CREBL2: variants seen among roughly 807,000 people sequenced by gnomAD.
The protein encoded by CREBL2 is cAMP responsive element binding protein like 2.
Under a neutral mutation model 19.5 loss-of-function variants are expected in CREBL2, and 4 were observed. The ratio of observed to expected loss-of-function variants is 0.20; its 90% confidence interval spans 0.10 to 0.47. CREBL2 has a LOEUF of 0.47. CREBL2 is among the 20% of genes least tolerant of loss of function. The pLI, the probability that CREBL2 is intolerant of heterozygous loss-of-function variation, is 0.98. For missense variants in CREBL2, 85 were observed against 145.1 expected (o/e 0.59, Z 2.13); for synonymous variants, 42 against 46.6 (o/e 0.90, Z 0.40).
intron 1 of CREBL2, 132 bp downstream of exon 1, chr12:12,612,319 T>A: frequency 6.6e-7 from 1 of 1,511,500 alleles, no homozygotes; most frequent in Non-Finnish European, 9.0e-7. Context: ...GCCTCTCCAG[T>A]CCACTGCCCG....
rs1945546407 is a variant in CREBL2, at chr12:12,644,062, G to A, written c.*2064G>A. On this transcript the variant is annotated 3_prime_UTR_variant, in exon 4 of 4. Coordinates refer to ENST00000228865, the MANE Select transcript of CREBL2 (RefSeq NM_001310.4). ...TGCTTGAAGTATTTCTTCTCTGGTT[G>A]TAATTCTAAATTACAGAGTCATTTG... The A allele has an allele frequency of 6.6e-6, 1 of 152,592 alleles. No homozygotes were observed. Among genetic ancestry groups the A allele is most frequent in the South Asian group, 2.1e-4 (1 of 4,828 alleles). The allele number at this position is 152,592 out of a possible 1,614,324, so 9.5% of individuals were successfully genotyped here.
chr12:12,637,357 G>T (rs1223978293), intron 2 of CREBL2, among the ~76,000 whole-genome samples: 1 of 151,834 alleles, frequency 6.6e-6, no homozygotes, highest in Non-Finnish European at 1.5e-5. Flanking sequence ...CAGTTTTTCC[G>T]CCTCTTCTGA....
At position 12,617,643 on chromosome 12, in the gene CREBL2, C is replaced by CTTTTTTTTTTTTTTTTTTTTTTTT. The variant is rs66943066; in HGVS notation, c.15+5471_15+5494dup. ...CCCTGAGATGCTCATTTTAGTAATT[C>CTTTTTTTTTTTTTTTTTTTTTTTT]TTTTTTTTTTTTTTTTTTTTTTTTT... is the stretch of plus-strand genomic sequence containing the variant. On this transcript the variant is annotated intron_variant, in intron 1 of 3. Coordinates refer to ENST00000228865, the MANE Select transcript of CREBL2 (RefSeq NM_001310.4). Among the ~76,000 whole-genome samples, 9 of 38,766 alleles carry CTTTTTTTTTTTTTTTTTTTTTTTT rather than the reference C, an allele frequency of 2.3e-4. 2 individuals are homozygous for CTTTTTTTTTTTTTTTTTTTTTTTT. The highest frequency in any genetic ancestry group is 3.2e-4 in the Non-Finnish European group (6 of 18,568). The allele number at this position is 38,766 out of a possible 152,430, so 25.4% of individuals were successfully genotyped here.
chr12:12,613,990 C>CTTTTTTTTTTTTTTTT (rs57522744), intron 1 of CREBL2, among the ~76,000 whole-genome samples: 37 of 72,900 alleles, frequency 5.1e-4, no homozygotes, highest in African/African-American at 1.0e-3. Context: ...TCTTTTTTTT[C>CTTTTTTTTTTTTTTTT]TTTTTTTTTT....
chr12:12,637,826 A>G lies in CREBL2; in HGVS notation c.358+112A>G, dbSNP rs1450354529. ...GAGGCCGAGGTGGGCAGATCGCTTG[A>G]GCCCAGGAGTTCAAGACCAGACAGG... is the stretch of plus-strand genomic sequence containing the variant. On this transcript the variant is annotated intron_variant, in intron 3 of 3. Coordinates refer to ENST00000228865, the MANE Select transcript of CREBL2 (RefSeq NM_001310.4). 20 of 1,207,016 alleles carry G rather than the reference A, an allele frequency of 1.7e-5. No homozygotes were observed. The African/African-American group carries it at 2.8e-4, about 17-fold the overall frequency. 74.8% of individuals were successfully genotyped at this position (1,207,016 alleles called of 1,614,324 possible).
At chr12:12,636,067 A>G in intron 2 of CREBL2, 93 bp downstream of exon 2, 1 of 1,189,976 alleles carries the variant, frequency 8.4e-7, no homozygotes, top group Non-Finnish European at 1.2e-6. Context: ...TCACCTGTCC[A>G]GTTGGCAAAC....
At chr12:12,630,507 A>G (rs1352007115) in intron 1 of CREBL2, among the ~76,000 whole-genome samples, 1 of 152,096 alleles carries the variant, frequency 6.6e-6, no homozygotes, top group Non-Finnish European at 1.5e-5. Context: ...CCGTCTAGCT[A>G]AAGGTTGGTG....
intron 1 of CREBL2, among the ~76,000 whole-genome samples, chr12:12,618,440 G>A (rs572025675): frequency 2.0e-5 from 3 of 151,648 alleles, no homozygotes; most frequent in East Asian, 1.9e-4. Flanking sequence ...ATGGGGTGGC[G>A]GGGCAGAGGC....
chr12:12,634,846 G>C (rs928086172), intron 1 of CREBL2, among the ~76,000 whole-genome samples: 3 of 151,988 alleles, frequency 2.0e-5, no homozygotes, highest in African/African-American at 7.3e-5. Flanking sequence ...GCTTGAGGCC[G>C]GGAGTTTGAG....
intron 1 of CREBL2, among the ~76,000 whole-genome samples, chr12:12,634,520 G>GTA (rs149059178): frequency 0.053 from 8,111 of 151,944 alleles, 350 homozygotes; most frequent in Admixed American, 0.15. Flanking sequence ...ATTTATGTGT[G>GTA]TATATATATA....
Position 12,632,068 on chromosome 12 carries a change from C to CTTTTTT in CREBL2, c.16-3687_16-3682dup, listed in dbSNP as rs869253910. Reference sequence around the variant, plus strand: ...CCTTGGATTCATATACTATGCCTTTCTTTTTTTTTTTTTTTTTTTTTTTTT... The same window carrying CTTTTTT: ...CCTTGGATTCATATACTATGCCTTTCTTTTTTTTTTTTTTTTTTTTTTTTTTTTTTT... On this transcript the variant is annotated intron_variant, in intron 1 of 3. Coordinates refer to ENST00000228865, the MANE Select transcript of CREBL2 (RefSeq NM_001310.4). Among the ~76,000 whole-genome samples the CTTTTTT allele has an allele frequency of 1.2e-3, 99 of 80,626 alleles. 11 individuals carry two copies. Among genetic ancestry groups the CTTTTTT allele is most frequent in the East Asian group, 4.8e-3 (11 of 2,282 alleles). The allele number at this position is 80,626 out of a possible 152,430, so 52.9% of individuals were successfully genotyped here.
intron 1 of CREBL2, among the ~76,000 whole-genome samples, chr12:12,629,481 G>A (rs1945426736): frequency 6.6e-6 from 1 of 152,028 alleles, no homozygotes; most frequent in Non-Finnish European, 1.5e-5. Context: ...CTGGACCCTT[G>A]CTCTACTCAT....
In CREBL2 at chr12:12,641,873, T is replaced by C. The variant is rs1945524961; in HGVS notation, c.359-121T>C. 1.0e-5 allele frequency: 5 copies of C among 493,450 alleles called. No homozygotes were observed. In the South Asian group the frequency reaches 2.1e-4, roughly 21 times the overall value. The allele number at this position is 493,450 out of a possible 1,614,324, so 30.6% of individuals were successfully genotyped here. ...ATCAGCTTTTTTTTAGTCTGTATTT[T>C]TAAAAATTAGCCTTACTGAAGATAC... On this transcript the variant is annotated intron_variant, in intron 3 of 3. Coordinates refer to ENST00000228865, the MANE Select transcript of CREBL2 (RefSeq NM_001310.4).
At chr12:12,618,748 A>T (rs1459780951) in intron 1 of CREBL2, among the ~76,000 whole-genome samples, 1 of 152,176 alleles carries the variant, frequency 6.6e-6, no homozygotes, top group African/African-American at 2.4e-5. Flanking sequence ...AACATTGAGC[A>T]CTGAGTGAGC....
chr12:12,621,523 C>CAAA (rs61201510), intron 1 of CREBL2, among the ~76,000 whole-genome samples: 11 of 64,856 alleles, frequency 1.7e-4, no homozygotes, highest in African/African-American at 1.7e-4. Flanking sequence ...CGTCTCAAAC[C>CAAA]AAAAAAAAAA....
chr12:12,611,954 G>T lies in CREBL2; in HGVS notation c.-219G>T. ...GGGAGGAGGAGGCGGCGGCGGCGAA[G>T]GGAGGCGTTTGGGGCCGCCTCCAGG... On this transcript the variant is annotated 5_prime_UTR_variant, in exon 1 of 4. In the 5' UTR this introduces an upstream ATG that the reference lacks. Transcript: ENST00000228865. The T allele has an allele frequency of 1.7e-6, 1 of 587,448 alleles. No homozygotes were observed. The allele number at this position is 587,448 out of a possible 1,614,324, so 36.4% of individuals were successfully genotyped here. A position where few individuals can be genotyped will look rare whatever the true frequency, so the allele number is the denominator to read the frequency against.
rs1480577952 is a variant in CREBL2, at chr12:12,643,452, C to G, written c.*1454C>G. On this transcript the variant is annotated 3_prime_UTR_variant, in exon 4 of 4. Transcript: ENST00000228865. ...TCACTTGAGTGAAGCAAATATTTAG[C>G]TTCCAAATAAAGTATATTTTGTTCT... The G allele has an allele frequency of 6.6e-6, 1 of 152,588 alleles. No individual in the cohort carries two copies. Among genetic ancestry groups the G allele is most frequent in the Admixed American group, 6.5e-5 (1 of 15,268 alleles). 9.5% of individuals were successfully genotyped at this position (152,588 alleles called of 1,614,324 possible).
chr12:12,633,221 G>A (rs1945453341), intron 1 of CREBL2, among the ~76,000 whole-genome samples: 1 of 152,080 alleles, frequency 6.6e-6, no homozygotes, highest in African/African-American at 2.4e-5. Flanking sequence ...ACAGGTGTGA[G>A]CCACCACACC....
chr12:12,616,454 A>G (rs1945312138), intron 1 of CREBL2, among the ~76,000 whole-genome samples: 2 of 152,224 alleles, frequency 1.3e-5, no homozygotes, highest in South Asian at 4.1e-4. Context: ...GTACTTAGAA[A>G]CCAGCAGCTT....
Sources: allele counts gnomAD v4.1 joint callset (sites outside exome capture counted in the v4.1 genomes callset), GRCh38; gene constraint gnomAD v4.1.1; transcripts MANE v1.5; gene names NCBI Gene and HGNC (gene_info 2026-07-23, HGNC 2026-07-21).